Variants in LAYN observed in about 807,000 individuals in gnomAD.
The protein encoded by LAYN is layilin.
A neutral mutation model predicts 43.6 loss-of-function variants in LAYN; 38 were observed. The ratio of observed to expected loss-of-function variants is 0.87; its 90% CI spans 0.67 to 1.14. The LOEUF is 1.14. Among genes scored for constraint, LAYN ranks in the 50% most tolerant of loss-of-function variants. The pLI is 0.00. For synonymous variants in LAYN, 168 were observed against 172.9 expected (o/e 0.97, Z 0.22); for missense variants, 479 against 463.8 (o/e 1.03, Z -0.30).
intron 4 of LAYN, among the ~76,000 whole-genome samples, chr11:111,554,943 C>T (rs766607829): frequency 1.8e-4 from 27 of 152,298 alleles, no homozygotes; most frequent in Non-Finnish European, 3.1e-4. Context: ...CCCCTTGACA[C>T]CTTGGTATTT....
chr11:111,546,881 T>C (rs1867657048), intron 2 of LAYN, among the ~76,000 whole-genome samples: 1 of 152,182 alleles, frequency 6.6e-6, no homozygotes, highest in African/African-American at 2.4e-5. Flanking sequence ...ATCCTATGGG[T>C]CTGCATGTGA....
Position 111,555,261 on chromosome 11 carries a change from A to T in LAYN, c.629A>T (p.Asp210Val), listed in dbSNP as rs1299508451. Reference sequence around the variant, plus strand: ...CTTCCAGAAGAAACACAGGAAGAAGATGCCAAAAAAACATTTAAAGAAAGT... The same window carrying T: ...CTTCCAGAAGAAACACAGGAAGAAGTTGCCAAAAAAACATTTAAAGAAAGT... ...PVLPEETQEE[D>V]AKKTFKESRE... The change falls in exon 5 of 7, where the codon GAT (aspartate) becomes GTT (valine). Residue 210 changes from aspartate to valine, a missense_variant. Transcript: ENST00000375614. 3.1e-6 allele frequency: 5 copies of T among 1,613,886 alleles called. No homozygotes were observed. In the Admixed American group the frequency reaches 8.3e-5, roughly 27 times the overall value.
intron 1 of LAYN, chr11:111,541,628 G>T: frequency 6.6e-7 from 1 of 1,516,972 alleles, no homozygotes; most frequent in Non-Finnish European, 8.9e-7. Context: ...TGTTCTGCAT[G>T]TCGGGGGGAG....
At chr11:111,555,398 A>G in intron 5 of LAYN, 108 bp downstream of exon 5, 1 of 749,610 alleles carries the variant, frequency 1.3e-6, no homozygotes, top group East Asian at 2.7e-5. Context: ...ACCTAAAAAT[A>G]GAACTAGACA....
At position 111,560,436 on chromosome 11, in the gene LAYN, A is replaced by G. The variant is rs1867935349; in HGVS notation, c.1103A>G (p.Glu368Gly). The part of the protein sequence containing the change: ...MGRSKESGWV[E>G]NEIYGY ...AGGAGTAAGGAGTCTGGATGGGTGG[A>G]AAATGAAATATATGGTTATTAGGAC... Residue 368 changes from glutamate to glycine, a missense_variant, in exon 7 of 7, where the codon GAA becomes GGA. By Grantham distance (98) the Glu-to-Gly change is moderately conservative (BLOSUM62 -2). Transcript: ENST00000375614. The G allele has an allele frequency of 1.2e-6, 2 of 1,613,610 alleles. No individual in the cohort carries two copies. The highest frequency in any genetic ancestry group is 4.5e-5 in the East Asian group (2 of 44,872).
At chr11:111,543,795 T>A in intron 1 of LAYN, 128 bp from the exon 2 acceptor site, 1 of 737,406 alleles carries the variant, frequency 1.4e-6, no homozygotes, top group East Asian at 2.6e-5. Context: ...CCAACTGACA[T>A]GATAACAGTC....
At position 111,557,582 on chromosome 11, in the gene LAYN, C is replaced by T; in HGVS notation, c.700C>T (p.Pro234Ser). Residue 234 changes from proline to serine, a missense_variant, in exon 6 of 7, where the codon CCC (proline) becomes TCC (serine). Physicochemically the swap from Pro to Ser is moderately conservative, Grantham distance 74 (BLOSUM62 -1). Transcript: ENST00000375614. The stretch of plus-strand genomic sequence containing the variant: ...GGCCTACATCCTAATCCCCAGCATT[C>T]CCCTTCTCCTCCTCCTTGTGGTCAC... ...NLAYILIPSI[P>S]LLLLLVVTTV... The T allele has an allele frequency of 1.2e-6, 2 of 1,614,178 alleles. No homozygotes were observed. The highest frequency in any genetic ancestry group is 1.7e-6 in the Non-Finnish European group (2 of 1,180,032).
rs57447419 is a variant in LAYN at position 111,549,661 on chromosome 11, G to A, written c.427G>A (p.Val143Met). The change falls in exon 3 of 7, where the codon GTG becomes ATG. Residue 143 changes from valine (V) to methionine (M), a missense_variant. Val to Met is a conservative substitution (Grantham distance 21, BLOSUM62 1). Coordinates refer to ENST00000375614, the MANE Select transcript of LAYN (RefSeq NM_178834.5). ...GCCATCCTGCGGCAGCGAGGTCTGC[G>A]TGGTCATGTACCATCAGCCATCGGC... The part of the protein sequence containing the change: ...DEPSCGSEVC[V>M]VMYHQPSAPA... 43 of 1,594,886 alleles carry A rather than the reference G, an allele frequency of 2.7e-5. No homozygotes were observed. In the Admixed American group the frequency reaches 2.8e-4, roughly 11 times the overall value.
intron 4 of LAYN, 131 bp downstream of exon 4, chr11:111,554,724 G>T: frequency 1.3e-6 from 1 of 767,590 alleles, no homozygotes. Flanking sequence ...AGGCATTTGG[G>T]ACAGGTATAC....
intron 1 of LAYN, chr11:111,541,320 C>G (rs953553246): frequency 1.7e-6 from 1 of 605,742 alleles, no homozygotes; most frequent in Non-Finnish European, 2.9e-6. Context: ...CCAGCTGGCC[C>G]CCGCCTACCG....
chr11:111,542,865 A>C (rs1447754866), intron 1 of LAYN, among the ~76,000 whole-genome samples: 1 of 152,208 alleles, frequency 6.6e-6, no homozygotes, highest in Non-Finnish European at 1.5e-5. Flanking sequence ...TGTACACTCA[A>C]TAAATGTTGA....
At chr11:111,552,012 G>GTATA (rs1367163464) in intron 3 of LAYN, among the ~76,000 whole-genome samples, 19 of 149,558 alleles carry the variant, frequency 1.3e-4, no homozygotes, top group African/African-American at 3.7e-4. Flanking sequence ...GTATGTGTGT[G>GTATA]TGTATATATA....
Position 111,544,182 on chromosome 11 carries a change from C to G in LAYN, c.345C>G (p.Asp115Glu), listed in dbSNP as rs1274562447. Residue 115 changes from aspartate (D) to glutamate (E), a missense_variant, in exon 2 of 7, where the codon GAC becomes GAG. Coordinates refer to ENST00000375614, the MANE Select transcript of LAYN (RefSeq NM_178834.5). ...AAAGCAATAGCACAGCCTGCCAGGA[C>G]CTTTATGCTTGGACTGATGGCAGCA... The part of the protein sequence containing the change: ...EKQSNSTACQ[D>E]LYAWTDGSIS... 1.9e-6 allele frequency: 3 copies of G among 1,613,978 alleles called. No individual in the cohort carries two copies. Among genetic ancestry groups the G allele is most frequent in the Non-Finnish European group, 2.5e-6 (3 of 1,180,030 alleles).
intron 3 of LAYN, among the ~76,000 whole-genome samples, chr11:111,551,871 C>A (rs1242288943): frequency 6.6e-6 from 1 of 152,102 alleles, no homozygotes; most frequent in Non-Finnish European, 1.5e-5. Context: ...ATGTTAATTT[C>A]TTGCTTTTGA....
At chr11:111,559,540 C>T (rs1289910752) in intron 6 of LAYN, among the ~76,000 whole-genome samples, 1 of 152,106 alleles carries the variant, frequency 6.6e-6, no homozygotes, top group African/African-American at 2.4e-5. Flanking sequence ...TCACAGCTCA[C>T]TGCGGCCTTG....
intron 3 of LAYN, among the ~76,000 whole-genome samples, 185 bp downstream of exon 3, chr11:111,549,960 C>T (rs1389781387): frequency 2.0e-5 from 3 of 152,054 alleles, no homozygotes; most frequent in Non-Finnish European, 4.4e-5. Context: ...AGGAGTAATC[C>T]TAGCAAAGGA....
rs115573049 is a variant in LAYN at position 111,558,479 on chromosome 11, G to A, written c.761+836G>A. 7.6e-3 allele frequency among the ~76,000 whole-genome samples: 1,164 copies of A among 152,176 alleles called. 25 individuals are homozygous for A. The highest frequency in any genetic ancestry group is 0.026 in the African/African-American group (1,081 of 41,518). On this transcript the variant is annotated intron_variant, in intron 6 of 6. Coordinates refer to ENST00000375614, the MANE Select transcript of LAYN (RefSeq NM_178834.5). ...CAGAATAAGTATATACTAAGCACTT[G>A]AATGTTACCTATTATTGGGATTATT...
intron 3 of LAYN, chr11:111,551,357 G>A (rs1246150857): frequency 2.2e-6 from 1 of 456,226 alleles, no homozygotes; most frequent in Non-Finnish European, 4.4e-6. Context: ...AAAGAACAAG[G>A]GAACAAGGAA....
intron 2 of LAYN, among the ~76,000 whole-genome samples, chr11:111,547,154 T>G (rs1565265960): frequency 6.6e-6 from 1 of 152,246 alleles, no homozygotes; most frequent in Non-Finnish European, 1.5e-5. Context: ...CCATGTGCTA[T>G]GCTTCATTCT....
Sources: gnomAD v4.1 joint callset for allele counts (sites outside exome capture counted in the v4.1 genomes callset) on GRCh38, gnomAD v4.1.1 for gene constraint, MANE v1.5 for transcripts, NCBI Gene and HGNC (gene_info 2026-07-23, HGNC 2026-07-21) for gene names.